The following ADGRB1 variants were observed in gnomAD, a reference collection of about 807,000 sequenced individuals.
ADGRB1 encodes brain-specific angiogenesis inhibitor 1.
In ADGRB1, 36 loss-of-function variants were observed where a neutral mutation model predicts 175.7. That is an observed-to-expected ratio of 0.20 (90% CI 0.16 to 0.27). ADGRB1 has a LOEUF of 0.27. Ranked by LOEUF, ADGRB1 falls within the 10% of genes least tolerant of loss-of-function variation. The pLI, the probability that ADGRB1 is intolerant of heterozygous loss-of-function variation, is 1.00. For missense variants in ADGRB1, 1,731 were observed against 2,255.3 expected (o/e 0.77, Z 4.71); for synonymous variants, 1,054 against 979.4 (o/e 1.08, Z -1.42).
rs1422277884 is a variant in ADGRB1 at position 142,510,631 on chromosome 8, G to C, written c.2676-301G>C. Among the ~76,000 whole-genome samples the C allele has an allele frequency of 1.4e-5, 2 of 145,780 alleles. No individual in the cohort carries two copies. Among genetic ancestry groups the C allele is most frequent in the African/African-American group, 4.9e-5 (2 of 40,624 alleles). On this transcript the variant is annotated intron_variant, in intron 17 of 30. Transcript: ENST00000517894. The surrounding 1 kb of genome is among the most constrained non-coding windows in gnomAD (Gnocchi z 6.3). ...GCGGGGCGGGCGACTGCCGGGCCCCGGGCCAGCTCTCGCCCCCCGCCCCGC... is the reference window on the plus strand; with the variant it reads ...GCGGGGCGGGCGACTGCCGGGCCCCCGGCCAGCTCTCGCCCCCCGCCCCGC...
chr8:142,537,129 C>A lies in ADGRB1; in HGVS notation c.3666+47C>A, dbSNP rs964269369. 1.5e-6 allele frequency: 2 copies of A among 1,372,872 alleles called. No individual in the cohort carries two copies. The highest frequency in any genetic ancestry group is 1.5e-5 in the African/African-American group (1 of 66,586). The allele number at this position is 1,372,872 out of a possible 1,614,324, so 85.0% of individuals were successfully genotyped here. On this transcript the variant is annotated intron_variant, in intron 26 of 30. Transcript: ENST00000517894. This position sits in a 1 kb window ranked among gnomAD's most constrained non-coding sequence, Gnocchi z 4.6. ...CTCAGGCTGCCCTACCTGCCTCGTA[C>A]CCCCGCCAAGTGCCTCCAGGCCCTC...
At chr8:142,524,348 C>T (rs754660796) in intron 23 of ADGRB1, 44 bp downstream of exon 23, 14 of 1,537,124 alleles carry the variant, frequency 9.1e-6, no homozygotes, top group East Asian at 2.4e-5. Flanking sequence ...CCCACCTGGG[C>T]CCCCCACCTG....
chr8:142,533,274 G>A (rs372915996), intron 24 of ADGRB1, 21 bp from the exon 25 acceptor site: 69 of 1,491,956 alleles, frequency 4.6e-5, no homozygotes, highest in Middle Eastern at 4.5e-4. Context: ...GGGCGGCAGC[G>A]CTGACACCCT....
At chr8:142,472,207 G>A (rs967613994) in intron 2 of ADGRB1, among the ~76,000 whole-genome samples, 5 of 152,210 alleles carry the variant, frequency 3.3e-5, no homozygotes, top group Non-Finnish European at 7.4e-5. Flanking sequence ...GCCAACTCGG[G>A]GTGCGGGCTG....
rs764029236 is a variant in ADGRB1, at chr8:142,524,256, G to A, written c.3264G>A (p.Glu1088=). 3.7e-6 allele frequency: 6 copies of A among 1,600,506 alleles called. No homozygotes were observed. The highest frequency in any genetic ancestry group is 2.2e-5 in the East Asian group (1 of 44,812). ...STMNYCWLSL[E]GGLLYAFVGP... ...TCCCCAGCTGCTGGCTCTCCCTGGAGGGGGGACTGCTCTATGCCTTCGTGG... is the reference window on the plus strand; with the variant it reads ...TCCCCAGCTGCTGGCTCTCCCTGGAAGGGGGACTGCTCTATGCCTTCGTGG... The change falls in exon 23 of 31, where the codon GAG becomes GAA. Residue 1088 remains glutamate, a synonymous_variant. Coordinates refer to ENST00000517894, the MANE Select transcript of ADGRB1 (RefSeq NM_001702.3).
intron 11 of ADGRB1, among the ~76,000 whole-genome samples, chr8:142,483,402 GAC>G (rs1448226159): frequency 7.2e-6 from 1 of 138,572 alleles, no homozygotes; most frequent in East Asian, 2.2e-4. Context: ...CCTGAGCCCT[GAC>G]ACTGGTCACA....
rs940617235 is a variant in ADGRB1, at chr8:142,475,373, C to A, written c.785-101C>A. Reference sequence around the variant, plus strand: ...CTTCCCCGGCACTGCGGCCCCTCCCCACCCGGGCCGGCCTCGGCGGGCTTA... The same window carrying A: ...CTTCCCCGGCACTGCGGCCCCTCCCAACCCGGGCCGGCCTCGGCGGGCTTA... On this transcript the variant is annotated intron_variant, in intron 2 of 30. Coordinates refer to ENST00000517894, the MANE Select transcript of ADGRB1 (RefSeq NM_001702.3). The A allele has an allele frequency of 5.9e-6, 7 of 1,177,756 alleles. No homozygotes were observed. The Admixed American group carries it at 1.7e-4, about 28-fold the overall frequency. 73.0% of individuals were successfully genotyped at this position (1,177,756 alleles called of 1,614,324 possible).
At chr8:142,528,524 G>GC (rs1563743845) in intron 24 of ADGRB1, among the ~76,000 whole-genome samples, 1 of 152,166 alleles carries the variant, frequency 6.6e-6, no homozygotes, top group Non-Finnish European at 1.5e-5. Context: ...TTTCGTTTCA[G>GC]CCTTTTAATT....
rs776405247 is a variant in ADGRB1, at chr8:142,543,740, G to A, written c.4557+32G>A. On this transcript the variant is annotated intron_variant, in intron 30 of 30. Transcript: ENST00000517894. The surrounding 1 kb of genome is among the most constrained non-coding windows in gnomAD (Gnocchi z 4.4). The stretch of plus-strand genomic sequence containing the variant: ...AGGGCAGGGAGGGGCGGGGTGGGGA[G>A]AGCCCTTAGGTCAGGCCACCGTCTC... 6.6e-7 allele frequency: 1 copy of A among 1,520,640 alleles called. No individual in the cohort carries two copies. The allele number at this position is 1,520,640 out of a possible 1,614,324, so 94.2% of individuals were successfully genotyped here. A position where few individuals can be genotyped will look rare whatever the true frequency, so the allele number is the denominator to read the frequency against.
chr8:142,533,362 G>T lies in ADGRB1; in HGVS notation c.3466G>T (p.Ala1156Ser). 1 of 1,602,486 alleles carries T rather than the reference G, an allele frequency of 6.2e-7. No individual in the cohort carries two copies. Reference protein sequence around the residue: ...LALTWMSAVLAVTDRRSALFQ... With the variant: ...LALTWMSAVLSVTDRRSALFQ... ...GCTGACCTGGATGTCGGCTGTGCTC[G>T]CCGTCACCGACCGCCGCTCCGCCCT... Residue 1156 changes from alanine (A) to serine (S), a missense_variant, in exon 25 of 31, where the codon GCC becomes TCC. Transcript: ENST00000517894.
chr8:142,456,315 GCA>G (rs1839679715), intron 1 of ADGRB1, among the ~76,000 whole-genome samples: 1 of 152,094 alleles, frequency 6.6e-6, no homozygotes, highest in Admixed American at 6.5e-5. Flanking sequence ...CACTCTGTGC[GCA>G]CACACTTGCT....
chr8:142,456,229 G>T (rs542782799), intron 1 of ADGRB1, among the ~76,000 whole-genome samples: 2 of 152,024 alleles, frequency 1.3e-5, no homozygotes, highest in Non-Finnish European at 2.9e-5. Flanking sequence ...CCACCACAGC[G>T]CGCCCACATG....
At chr8:142,532,898 A>G (rs1022350148) in intron 24 of ADGRB1, among the ~76,000 whole-genome samples, 9 of 151,788 alleles carry the variant, frequency 5.9e-5, no homozygotes, top group Admixed American at 1.3e-4. Context: ...GGATCTTCCC[A>G]AAGAGCCCTT....
intron 24 of ADGRB1, among the ~76,000 whole-genome samples, chr8:142,531,251 G>A (rs1053184579): frequency 6.6e-6 from 1 of 152,242 alleles, no homozygotes; most frequent in Non-Finnish European, 1.5e-5. Flanking sequence ...GGCCCCAGCC[G>A]AGGGGTCCTG....
chr8:142,467,089 C>T (rs1178494297), intron 2 of ADGRB1, among the ~76,000 whole-genome samples: 4 of 152,338 alleles, frequency 2.6e-5, no homozygotes. Context: ...CGTGGAGAGG[C>T]TGGGGCACTG....
In ADGRB1 at chr8:142,537,765, G is replaced by A. The variant is rs1039644009; in HGVS notation, c.3666+683G>A. 2.6e-5 allele frequency among the ~76,000 whole-genome samples: 4 copies of A among 152,110 alleles called. No individual in the cohort carries two copies. The highest frequency in any genetic ancestry group is 3.9e-4 in the East Asian group (2 of 5,184). ...CGACACGCACAGGTCCTGGGAGGGC[G>A]GCCCAAGTGGCGGTTCCTACGTAAG... On this transcript the variant is annotated intron_variant, in intron 26 of 30. Coordinates refer to ENST00000517894, the MANE Select transcript of ADGRB1 (RefSeq NM_001702.3). The surrounding 1 kb of genome is among the most constrained non-coding windows in gnomAD (Gnocchi z 4.6).
Position 142,543,819 on chromosome 8 carries a change from C to G in ADGRB1, c.4557+111C>G, listed in dbSNP as rs1024359619. The G allele has an allele frequency of 2.7e-6, 3 of 1,101,294 alleles. No individual in the cohort carries two copies. Among genetic ancestry groups the G allele is most frequent in the Non-Finnish European group, 4.0e-6 (3 of 748,288 alleles). 68.2% of individuals were successfully genotyped at this position (1,101,294 alleles called of 1,614,324 possible). ...CCATCCATCCATCCATCCATCCATT[C>G]GTTCATTCATTCATTCATTCGCCCA... is the stretch of plus-strand genomic sequence containing the variant. On this transcript the variant is annotated intron_variant, in intron 30 of 30. Transcript: ENST00000517894. This position sits in a 1 kb window ranked among gnomAD's most constrained non-coding sequence, Gnocchi z 4.4.
chr8:142,487,103 T>C (rs1349812533), intron 13 of ADGRB1, among the ~76,000 whole-genome samples: 1 of 152,172 alleles, frequency 6.6e-6, no homozygotes, highest in African/African-American at 2.4e-5. Flanking sequence ...ACTACTTCAA[T>C]AATTCTGCCA....
At chr8:142,522,514 C>A in intron 21 of ADGRB1, 127 bp from the exon 22 acceptor site, 2 of 941,436 alleles carry the variant, frequency 2.1e-6, no homozygotes, top group Non-Finnish European at 1.6e-6. Context: ...CTTGCTCAGC[C>A]CCATCCTCTG....
Sources: allele counts gnomAD v4.1 joint callset (sites outside exome capture counted in the v4.1 genomes callset), GRCh38; gene constraint gnomAD v4.1.1; non-coding constraint Gnocchi (gnomAD v3.1); transcripts MANE v1.5; gene names NCBI Gene and HGNC (gene_info 2026-07-23, HGNC 2026-07-21).